CNGA3: variants seen among roughly 807,000 people sequenced by gnomAD.
The protein encoded by CNGA3 is cyclic nucleotide-gated channel alpha-3.
A neutral mutation model predicts 46.6 loss-of-function variants in CNGA3; 42 were observed. That is an observed-to-expected ratio of 0.90 (90% CI 0.70 to 1.17). The LOEUF (loss-of-function observed/expected upper bound fraction) is 1.17. CNGA3 is among the 50% of genes most tolerant of loss of function. The pLI is 0.00. For missense variants in CNGA3, 893 were observed against 890.7 expected, an observed-to-expected ratio of 1.00 and a Z score of -0.03; for synonymous variants, 394 against 369.4, an observed-to-expected ratio of 1.07 and a Z score of -0.76.
chr2:98,359,889 C>A (rs957729934), intron 1 of CNGA3, among the ~76,000 whole-genome samples: 31 of 152,206 alleles, frequency 2.0e-4, no homozygotes, highest in Non-Finnish European at 4.0e-4. Context: ...GCCTCTTGGA[C>A]AGAGAATCTG....
chr2:98,362,497 T>G (rs62156303), intron 1 of CNGA3, among the ~76,000 whole-genome samples: 28,526 of 151,252 alleles, frequency 0.19, 3,035 homozygotes, highest in Non-Finnish European at 0.26. Context: ...CTTTTTAATG[T>G]TGTTTTTTTT....
chr2:98,397,436 T>C lies in CNGA3; in HGVS notation c.*181T>C, dbSNP rs999465161. The C allele has an allele frequency of 6.1e-5, 41 of 676,802 alleles. No individual in the cohort carries two copies. In the African/African-American group the frequency reaches 6.6e-4, roughly 11 times the overall value. 41.9% of individuals were successfully genotyped at this position (676,802 alleles called of 1,614,324 possible). A position where few individuals can be genotyped will look rare whatever the true frequency, so the allele number is the denominator to read the frequency against. On this transcript the variant is annotated 3_prime_UTR_variant, in exon 8 of 8. Transcript: ENST00000272602. The stretch of plus-strand genomic sequence containing the variant: ...TAAAAAATGGGACTTTTTGTCTCAG[T>C]CCCAGTGAAGTGCCAGGTTTGATTG...
rs1692740945 is a variant in CNGA3 at position 98,389,776 on chromosome 2, T to C, written c.566+2T>C. ...TAACTGGTATCTGCTTATTTGCAGGTAAGCGACAGGGGTGGAAGGTGCAGC... is the reference window on the plus strand; with the variant it reads ...TAACTGGTATCTGCTTATTTGCAGGCAAGCGACAGGGGTGGAAGGTGCAGC... On this transcript the variant is annotated splice_donor_variant, in intron 6 of 7. Coordinates refer to ENST00000272602, the MANE Select transcript of CNGA3 (RefSeq NM_001298.3). LOFTEE classifies it high-confidence loss of function. 1 of 1,610,416 alleles carries C rather than the reference T, an allele frequency of 6.2e-7. No individual in the cohort carries two copies. Among genetic ancestry groups the C allele is most frequent in the South Asian group, 1.1e-5 (1 of 90,968 alleles).
chr2:98,394,797 A>G (rs1292495234), intron 7 of CNGA3, among the ~76,000 whole-genome samples: 6 of 152,364 alleles, frequency 3.9e-5, no homozygotes, highest in African/African-American at 1.4e-4. Context: ...GAACTGAGTC[A>G]TGCAAAAGCT....
intron 1 of CNGA3, chr2:98,346,869 G>T (rs943537633): frequency 6.4e-6 from 1 of 156,768 alleles, no homozygotes; most frequent in Non-Finnish European, 1.4e-5. Flanking sequence ...GCGCTGGGCC[G>T]AGCCCGCTGA....
intron 2 of CNGA3, among the ~76,000 whole-genome samples, chr2:98,373,525 G>T (rs751698254): frequency 6.6e-6 from 1 of 152,242 alleles, no homozygotes. Flanking sequence ...CTGCCCCAAG[G>T]TCTTTTCACC....
chr2:98,383,511 T>C, intron 5 of CNGA3, 70 bp downstream of exon 5: 1 of 1,494,892 alleles, frequency 6.7e-7, no homozygotes, highest in Non-Finnish European at 9.3e-7. Flanking sequence ...AGCCCCAGCT[T>C]GGCCTCTCTC....
intron 4 of CNGA3, among the ~76,000 whole-genome samples, chr2:98,382,091 C>T (rs1692552053): frequency 6.6e-6 from 1 of 152,162 alleles, no homozygotes; most frequent in African/African-American, 2.4e-5. Context: ...GGGCAGGCCC[C>T]GACCACCTCA....
intron 1 of CNGA3, chr2:98,347,043 G>C (rs752450116): frequency 1.3e-5 from 2 of 152,120 alleles, no homozygotes; most frequent in Non-Finnish European, 2.9e-5. Context: ...AGCGGGCGCC[G>C]CGTCTTCTCG....
intron 1 of CNGA3, among the ~76,000 whole-genome samples, chr2:98,359,128 T>G (rs907221104): frequency 3.0e-4 from 45 of 152,324 alleles, no homozygotes; most frequent in African/African-American, 1.1e-3. Flanking sequence ...ATCGCCACTC[T>G]GGGCAACCAG....
intron 2 of CNGA3, among the ~76,000 whole-genome samples, chr2:98,374,974 C>A (rs1468021911): frequency 1.3e-5 from 2 of 152,202 alleles, no homozygotes; most frequent in Non-Finnish European, 2.9e-5. Flanking sequence ...GAAACTTAAG[C>A]CCAGAGAGGG....
At chr2:98,382,326 G>A (rs1463790154) in intron 4 of CNGA3, among the ~76,000 whole-genome samples, 1 of 152,218 alleles carries the variant, frequency 6.6e-6, no homozygotes, top group African/African-American at 2.4e-5. Flanking sequence ...GGTGAACACA[G>A]CCACTGCATC....
At chr2:98,365,175 C>T (rs1055781458) in intron 1 of CNGA3, among the ~76,000 whole-genome samples, 8 of 152,062 alleles carry the variant, frequency 5.3e-5, no homozygotes, top group African/African-American at 1.9e-4. Context: ...GGTCCAGTGG[C>T]TCGCTCCTAT....
chr2:98,352,823 C>T (rs1418475531), intron 1 of CNGA3, among the ~76,000 whole-genome samples: 4 of 152,156 alleles, frequency 2.6e-5, no homozygotes, highest in African/African-American at 9.7e-5. Context: ...GCACCACTGG[C>T]TTTTCTGGTC....
At chr2:98,358,042 G>A (rs143379939) in intron 1 of CNGA3, among the ~76,000 whole-genome samples, 144 of 152,318 alleles carry the variant, frequency 9.5e-4, no homozygotes, top group African/African-American at 3.2e-3. Flanking sequence ...GAAGTGCCTC[G>A]CACCCAGGGG....
rs1692920945 is a variant in CNGA3 at position 98,396,563 on chromosome 2, A to T, written c.1393A>T (p.Lys465Ter). The T allele has an allele frequency of 6.2e-7, 1 of 1,613,876 alleles. No homozygotes were observed. The highest frequency in any genetic ancestry group is 8.5e-7 in the Non-Finnish European group (1 of 1,179,984). The change falls in exon 8 of 8, where the codon AAG (lysine) becomes TAG (stop). Residue 465 changes from lysine (K) to a stop codon, truncating the protein, a stop_gained. Coordinates refer to ENST00000272602, the MANE Select transcript of CNGA3 (RefSeq NM_001298.3). LOFTEE classifies it high-confidence loss of function. ...EVLKSLPDKL[K>*]AEIAINVHLD... ...GCTCAAGAGCCTCCCAGACAAGCTG[A>T]AGGCTGAGATCGCCATCAACGTGCA...
chr2:98,395,850 T>G lies in CNGA3; in HGVS notation c.680T>G (p.Leu227Arg). The G allele has an allele frequency of 6.2e-7, 1 of 1,614,230 alleles. No homozygotes were observed. The highest frequency in any genetic ancestry group is 8.5e-7 in the Non-Finnish European group (1 of 1,180,036). Residue 227 changes from leucine to arginine, a missense_variant, in exon 8 of 8, where the codon CTC becomes CGC. Physicochemically the swap from Leu to Arg is moderately radical, Grantham distance 102 (BLOSUM62 -2). Around this residue, in one of 3 missense-constraint regions of CNGA3, gnomAD observed 12 missense variants for 29.1 expected, o/e 0.41. Coordinates refer to ENST00000272602, the MANE Select transcript of CNGA3 (RefSeq NM_001298.3). The stretch of plus-strand genomic sequence containing the variant: ...CCTCCATCTTCTTCTTTAGGTTTTC[T>G]CGAGCAAGGCTTAATGGTCAGTGAT... ...DVLVRARTGF[L>R]EQGLMVSDTN...
At chr2:98,349,155 C>A (rs561639541) in intron 1 of CNGA3, among the ~76,000 whole-genome samples, 2 of 152,098 alleles carry the variant, frequency 1.3e-5, no homozygotes, top group African/African-American at 4.8e-5. Flanking sequence ...GGGGGGAGTC[C>A]ACTTGCCAGA....
chr2:98,372,882 G>A (rs1242605213), intron 2 of CNGA3, among the ~76,000 whole-genome samples: 2 of 152,100 alleles, frequency 1.3e-5, no homozygotes, highest in South Asian at 2.1e-4. Context: ...ACCACCAGCC[G>A]AGGCTTACTG....
Sources: allele counts gnomAD v4.1 joint callset (sites outside exome capture counted in the v4.1 genomes callset), GRCh38; gene constraint gnomAD v4.1.1; regional missense constraint gnomAD v4.1.1; transcripts MANE v1.5; gene names NCBI Gene and HGNC (gene_info 2026-07-23, HGNC 2026-07-21).